The following BRINP1 variants were observed in gnomAD, a reference collection of about 807,000 sequenced individuals.
BRINP1 encodes BMP/retinoic acid inducible neural specific 1, also known as BMP/retinoic acid-inducible neural-specific protein 1.
In BRINP1, 17 loss-of-function variants were observed where a neutral mutation model predicts 72.9. That is an observed-to-expected ratio of 0.23 (90% CI 0.16 to 0.35). The LOEUF (loss-of-function observed/expected upper bound fraction) is 0.35, where lower values mean the gene tolerates loss of function less well. Ranked by LOEUF, BRINP1 falls within the 10% of genes least tolerant of loss-of-function variation. The pLI is 1.00. For missense variants in BRINP1, 850 were observed against 1,001.6 expected (o/e 0.85, Z 2.04); for synonymous variants, 418 against 378.5 (o/e 1.10, Z -1.21).
chr9:119,320,720 C>G (rs1346720218), intron 1 of BRINP1, among the ~76,000 whole-genome samples: 1 of 152,122 alleles, frequency 6.6e-6, no homozygotes, highest in Admixed American at 6.5e-5. Flanking sequence ...GGAAAAGAGA[C>G]AGGGACAGGG....
chr9:119,355,202 A>T (rs1281172251), intron 1 of BRINP1, among the ~76,000 whole-genome samples: 1 of 152,252 alleles, frequency 6.6e-6, no homozygotes, highest in Non-Finnish European at 1.5e-5. Context: ...AAAGATGACT[A>T]TTCAAATACT....
chr9:119,348,986 T>C (rs889400249), intron 1 of BRINP1, among the ~76,000 whole-genome samples: 1 of 152,214 alleles, frequency 6.6e-6, no homozygotes, highest in Non-Finnish European at 1.5e-5. Context: ...GACAACCTCC[T>C]GGGGCTTTTA....
intron 5 of BRINP1, among the ~76,000 whole-genome samples, chr9:119,230,469 G>A (rs990030): frequency 0.76 from 115,503 of 151,780 alleles, 44,082 homozygotes; most frequent in Middle Eastern, 0.87. Flanking sequence ...GGAAGGGAGA[G>A]ATGATGAGAC....
chr9:119,167,698 G>T lies in BRINP1; in HGVS notation c.1672C>A (p.Pro558Thr). Residue 558 changes from proline (P) to threonine (T), a missense_variant, in exon 8 of 8, where the codon CCC (proline) becomes ACC (threonine). Pro to Thr is a conservative substitution (Grantham distance 38). Transcript: ENST00000265922. This position sits in a 1 kb window ranked among gnomAD's most constrained non-coding sequence, Gnocchi z 4.3. ...ICQMRNSSLD[P>T]MFFVYVNPFS... ...GGGTTGACATAGACAAAGAACATGG[G>T]GTCCAGGCTGCTGTTGCGCATCTGG... is the stretch of plus-strand genomic sequence containing the variant. The T allele has an allele frequency of 6.2e-7, 1 of 1,614,128 alleles. No homozygotes were observed. Among genetic ancestry groups the T allele is most frequent in the African/African-American group, 1.3e-5 (1 of 75,024 alleles).
chr9:119,288,576 A>G (rs1771330228), intron 2 of BRINP1, among the ~76,000 whole-genome samples: 2 of 152,160 alleles, frequency 1.3e-5, no homozygotes, highest in Admixed American at 6.5e-5. Context: ...CACCACTGGA[A>G]GCAATGGGCT....
intron 1 of BRINP1, among the ~76,000 whole-genome samples, chr9:119,343,520 A>G (rs80332602): frequency 0.027 from 4,077 of 152,192 alleles, 235 homozygotes; most frequent in African/African-American, 0.094. Flanking sequence ...CACGGCACCA[A>G]TACCCTGTTT....
At chr9:119,364,914 T>C (rs551827592) in intron 1 of BRINP1, among the ~76,000 whole-genome samples, 2 of 152,352 alleles carry the variant, frequency 1.3e-5, no homozygotes, top group Non-Finnish European at 2.9e-5. Context: ...TAAATGAACA[T>C]GAAGCAATTG....
At chr9:119,318,847 G>GGC (rs1831155192) in intron 1 of BRINP1, among the ~76,000 whole-genome samples, 1 of 63,796 alleles carries the variant, frequency 1.6e-5, no homozygotes, top group African/African-American at 4.0e-5. Context: ...TGTGTGGGGT[G>GGC]TGTGTGTGTG....
chr9:119,195,504 A>G (rs767966127), intron 7 of BRINP1, among the ~76,000 whole-genome samples: 2 of 152,232 alleles, frequency 1.3e-5, no homozygotes, highest in Non-Finnish European at 2.9e-5. Context: ...ATCACATAAC[A>G]TCATCAGTGT....
At chr9:119,351,157 C>T (rs1454100123) in intron 1 of BRINP1, among the ~76,000 whole-genome samples, 2 of 152,150 alleles carry the variant, frequency 1.3e-5, no homozygotes, top group African/African-American at 4.8e-5. Context: ...ATTATATCCA[C>T]ACAAGTTTAT....
chr9:119,242,933 C>T (rs1311987259), intron 3 of BRINP1, among the ~76,000 whole-genome samples: 1 of 151,886 alleles, frequency 6.6e-6, no homozygotes, highest in African/African-American at 2.4e-5. Context: ...CAGGGAGCTG[C>T]CTCTATTCTC....
At chr9:119,237,643 T>C (rs1218484084) in intron 5 of BRINP1, among the ~76,000 whole-genome samples, 4 of 151,668 alleles carry the variant, frequency 2.6e-5, no homozygotes, top group East Asian at 1.9e-4. Flanking sequence ...ATTATAGGCA[T>C]GAGCCACCGC....
intron 7 of BRINP1, among the ~76,000 whole-genome samples, chr9:119,175,289 T>G (rs1463439964): frequency 6.6e-6 from 1 of 150,682 alleles, no homozygotes; most frequent in Non-Finnish European, 1.5e-5. Flanking sequence ...CAAAACACTG[T>G]ATGTTCTCAC....
At chr9:119,286,638 T>G (rs112472074) in intron 2 of BRINP1, among the ~76,000 whole-genome samples, 50 of 152,372 alleles carry the variant, frequency 3.3e-4, no homozygotes, top group African/African-American at 1.2e-3. Flanking sequence ...GAAATTTTGA[T>G]GTAGCTGTGT....
intron 7 of BRINP1, among the ~76,000 whole-genome samples, chr9:119,172,765 T>A (rs1462846877): frequency 6.6e-6 from 1 of 151,882 alleles, no homozygotes; most frequent in Non-Finnish European, 1.5e-5. Flanking sequence ...CAGCAACACA[T>A]CAAAAAGCTT....
intron 2 of BRINP1, among the ~76,000 whole-genome samples, chr9:119,310,716 C>CT (rs903800448): frequency 8.5e-5 from 13 of 152,162 alleles, no homozygotes; most frequent in Admixed American, 7.9e-4. Context: ...TCAGGCCTTT[C>CT]TTTTTTTATG....
At chr9:119,304,855 C>G (rs897458367) in intron 2 of BRINP1, among the ~76,000 whole-genome samples, 3 of 152,210 alleles carry the variant, frequency 2.0e-5, no homozygotes, top group African/African-American at 7.2e-5. Context: ...CCACAGTTTT[C>G]TAACCCATCT....
At chr9:119,244,855 T>G (rs1205704114) in intron 3 of BRINP1, among the ~76,000 whole-genome samples, 1 of 152,184 alleles carries the variant, frequency 6.6e-6, no homozygotes, top group Non-Finnish European at 1.5e-5. Context: ...CCAGGAGACT[T>G]CACCTCACTG....
At chr9:119,170,569 C>G (rs7022589) in intron 7 of BRINP1, among the ~76,000 whole-genome samples, 2 of 150,806 alleles carry the variant, frequency 1.3e-5, no homozygotes, top group African/African-American at 4.9e-5. Flanking sequence ...AGGATATTAT[C>G]CAGGAGAACT....
Sources: allele counts gnomAD v4.1 joint callset (sites outside exome capture counted in the v4.1 genomes callset), GRCh38; gene constraint gnomAD v4.1.1; non-coding constraint Gnocchi (gnomAD v3.1); transcripts MANE v1.5; gene names NCBI Gene and HGNC (gene_info 2026-07-23, HGNC 2026-07-21).